MEI1: variants seen among roughly 807,000 people sequenced by gnomAD.
MEI1 encodes meiosis inhibitor protein 1.
Under a neutral mutation model 146.2 loss-of-function variants are expected in MEI1, and 103 were observed. The ratio of observed to expected loss-of-function variants is 0.70; its 90% CI spans 0.60 to 0.83. MEI1 has a LOEUF of 0.83. MEI1 is among the 40% of genes least tolerant of loss of function. MEI1 has a pLI of 0.00. For synonymous variants in MEI1, 652 were observed against 628.2 expected (o/e 1.04, Z -0.57); for missense variants, 1,529 against 1,533.0 (o/e 1.00, Z 0.04).
chr22:41,745,807 C>T (rs2073238758), intron 13 of MEI1, 78 bp from the exon 14 acceptor site: 11 of 1,440,848 alleles, frequency 7.6e-6, no homozygotes, highest in South Asian at 1.5e-5. Context: ...AGGCACTCCC[C>T]GCCACCCCCC....
intron 7 of MEI1, among the ~76,000 whole-genome samples, chr22:41,729,164 C>CAAAAAAA (rs386395490): frequency 1.3e-5 from 1 of 75,098 alleles, no homozygotes; most frequent in Non-Finnish European, 2.3e-5. Context: ...GACTCCGTCT[C>CAAAAAAA]AAAAAAAAAA....
Position 41,770,868 on chromosome 22 carries a change from T to A in MEI1, c.2451T>A (p.Asp817Glu). 1 of 1,614,034 alleles carries A rather than the reference T, an allele frequency of 6.2e-7. No homozygotes were observed. The highest frequency in any genetic ancestry group is 8.5e-7 in the Non-Finnish European group (1 of 1,179,906). ...AGAGCAGCTATGAGGAACTGGATGA[T>A]GTCACCTCTGCTGGGCAGCCCGCCC... ...WEESSYEELDDVTSAGQPALP... is the reference protein window; with the variant it reads ...WEESSYEELDEVTSAGQPALP... The change falls in exon 20 of 31, where the codon GAT becomes GAA. Residue 817 changes from aspartate to glutamate, a missense_variant. Physicochemically the swap from Asp to Glu is conservative, Grantham distance 45. Around this residue, in one of 3 missense-constraint regions of MEI1, gnomAD observed 1,212 missense variants for 1,178.9 expected, o/e 1.03. Transcript: ENST00000401548.
At chr22:41,705,173 C>G (rs1227916298) in intron 2 of MEI1, among the ~76,000 whole-genome samples, 2 of 150,298 alleles carry the variant, frequency 1.3e-5, no homozygotes, top group African/African-American at 4.9e-5. Flanking sequence ...CTCTTAACCA[C>G]TCCTTTTTTT....
intron 20 of MEI1, chr22:41,774,484 C>T (rs927814396): frequency 6.6e-6 from 1 of 152,202 alleles, no homozygotes; most frequent in African/African-American, 2.4e-5. Flanking sequence ...CAGCCTCATA[C>T]TCTGTAAAGT....
At chr22:41,783,879 C>T (rs1024263444) in intron 24 of MEI1, among the ~76,000 whole-genome samples, 5 of 152,074 alleles carry the variant, frequency 3.3e-5, no homozygotes, top group African/African-American at 7.2e-5. Flanking sequence ...GATGGGTCTT[C>T]GCCATGTTGT....
chr22:41,701,601 A>G (rs2068729180), intron 1 of MEI1, among the ~76,000 whole-genome samples: 1 of 152,196 alleles, frequency 6.6e-6, no homozygotes. Context: ...ATAACCTCTG[A>G]ATTTTCATTA....
intron 11 of MEI1, among the ~76,000 whole-genome samples, 173 bp downstream of exon 11, chr22:41,732,776 ATTTTTT>A (rs767715701): frequency 2.2e-5 from 3 of 133,774 alleles, no homozygotes; most frequent in African/African-American, 8.8e-5. Context: ...GGATTGAAAA[ATTTTTT>A]TTTTTTTTTT....
At chr22:41,754,567 G>A (rs1339491563) in intron 17 of MEI1, among the ~76,000 whole-genome samples, 3 of 152,138 alleles carry the variant, frequency 2.0e-5, no homozygotes, top group Non-Finnish European at 4.4e-5. Flanking sequence ...CCAAGTAGCT[G>A]GGATTACAGG....
chr22:41,775,717 C>T (rs924069853), intron 20 of MEI1, among the ~76,000 whole-genome samples: 2 of 151,912 alleles, frequency 1.3e-5, no homozygotes, highest in South Asian at 2.1e-4. Flanking sequence ...TCTCAGCCTC[C>T]GGAGTAGCTG....
intron 3 of MEI1, 39 bp from the exon 4 acceptor site, chr22:41,713,963 G>A: frequency 6.5e-7 from 1 of 1,540,928 alleles, no homozygotes; most frequent in African/African-American, 1.4e-5. Flanking sequence ...TCTGGGTTGG[G>A]GGTGCCTCCT....
intron 24 of MEI1, among the ~76,000 whole-genome samples, chr22:41,783,238 A>G (rs1477406155): frequency 3.9e-5 from 6 of 152,092 alleles, no homozygotes; most frequent in African/African-American, 1.2e-4. Flanking sequence ...CAGGTAGTAC[A>G]GAGAGTTCCC....
chr22:41,757,456 C>G (rs1162414879), intron 17 of MEI1, among the ~76,000 whole-genome samples: 1 of 152,122 alleles, frequency 6.6e-6, no homozygotes, highest in African/African-American at 2.4e-5. Flanking sequence ...CTCCCAGGTT[C>G]AAGCGATTCT....
intron 2 of MEI1, 70 bp downstream of exon 2, chr22:41,703,524 G>C: frequency 7.4e-7 from 1 of 1,343,068 alleles, no homozygotes; most frequent in Non-Finnish European, 9.8e-7. Context: ...TGGGGCTCTT[G>C]GAAAAATGAT....
rs564145980 is a variant in MEI1 at position 41,710,949 on chromosome 22, A to G, written c.350-3053A>G. On this transcript the variant is annotated intron_variant, in intron 3 of 30. Coordinates refer to ENST00000401548, the MANE Select transcript of MEI1 (RefSeq NM_152513.4). ...GCGCATAGCCTCCAGCTCTGCCACCATAGCCAACTTGTACATGGATCCATT... is the reference window on the plus strand; with the variant it reads ...GCGCATAGCCTCCAGCTCTGCCACCGTAGCCAACTTGTACATGGATCCATT... 1.4e-4 allele frequency among the ~76,000 whole-genome samples: 21 copies of G among 152,276 alleles called. No homozygotes were observed. In the South Asian group the frequency reaches 4.1e-3, roughly 30 times the overall value.
intron 20 of MEI1, among the ~76,000 whole-genome samples, chr22:41,775,562 G>C (rs1217527030): frequency 6.7e-6 from 1 of 148,322 alleles, no homozygotes; most frequent in African/African-American, 2.5e-5. Flanking sequence ...GTTTTCTCCT[G>C]TTTAGGATGG....
chr22:41,742,102 G>A (rs5758446), intron 11 of MEI1, among the ~76,000 whole-genome samples: 125,189 of 151,664 alleles, frequency 0.83, 52,407 homozygotes, highest in East Asian at 0.94. Context: ...TCTACTAAAA[G>A]TACAAAACTT....
intron 5 of MEI1, among the ~76,000 whole-genome samples, chr22:41,717,386 C>G (rs1255394363): frequency 6.6e-6 from 1 of 152,036 alleles, no homozygotes; most frequent in East Asian, 1.9e-4. Context: ...TGGTCTTGAA[C>G]TCCTGACTTC....
intron 26 of MEI1, among the ~76,000 whole-genome samples, chr22:41,785,881 T>C (rs2075956734): frequency 7.5e-6 from 1 of 134,136 alleles, no homozygotes. Flanking sequence ...ATTTTTTTAT[T>C]TTTTTATTTT....
Position 41,748,175 on chromosome 22 carries a change from T to C in MEI1, c.1749T>C (p.Phe583=). The stretch of plus-strand genomic sequence containing the variant: ...TCCTCTCAATTCTACATAACCTCTT[T>C]GTCATCGTTCCCCACATGAAGGAGA... ...EVFLSILHNL[F]VIVPHMKEKF... Residue 583 remains phenylalanine (F), a synonymous_variant, in exon 15 of 31, where the codon TTT becomes TTC. Transcript: ENST00000401548. The C allele has an allele frequency of 6.2e-7, 1 of 1,613,988 alleles. No individual in the cohort carries two copies. Among genetic ancestry groups the C allele is most frequent in the South Asian group, 1.1e-5 (1 of 91,076 alleles).
Sources: allele counts gnomAD v4.1 joint callset (sites outside exome capture counted in the v4.1 genomes callset), GRCh38; gene constraint gnomAD v4.1.1; regional missense constraint gnomAD v4.1.1; transcripts MANE v1.5; gene names NCBI Gene and HGNC (gene_info 2026-07-23, HGNC 2026-07-21).